Variants in ABCB11 observed in about 807,000 individuals in gnomAD.
ABCB11 encodes the protein bile salt export pump.
A neutral mutation model predicts 148.0 loss-of-function variants in ABCB11; 95 were observed. The observed-to-expected ratio is 0.64, with a 90% CI of 0.54 to 0.76. The LOEUF (loss-of-function observed/expected upper bound fraction) is 0.76, where lower values mean the gene tolerates loss of function less well. ABCB11 is among the 30% of genes least tolerant of loss of function. The pLI is 0.00. For missense variants in ABCB11, 1,523 were observed against 1,617.8 expected (o/e 0.94, Z 1.01); for synonymous variants, 591 against 555.4 (o/e 1.06, Z -0.90).
intron 26 of ABCB11, among the ~76,000 whole-genome samples, chr2:168,925,523 C>T (rs1018011778): frequency 2.0e-5 from 3 of 152,196 alleles, no homozygotes; most frequent in Non-Finnish European, 4.4e-5. Flanking sequence ...CATACCCACA[C>T]TATTTTTTAG....
intron 26 of ABCB11, among the ~76,000 whole-genome samples, chr2:168,926,458 T>C (rs1196580937): frequency 6.6e-6 from 1 of 152,194 alleles, no homozygotes; most frequent in Non-Finnish European, 1.5e-5. Flanking sequence ...AAAGGATAAT[T>C]GTCCCAAAGC....
rs781469128 is a variant in ABCB11, at chr2:168,970,232, A to G, written c.1639-17T>C. ...GTCAAATTGCTAGATGGAAGGTGAC[A>G]CCAGTCATGAAGGGAAAAGAATTTG... On this transcript the variant is annotated splice_polypyrimidine_tract_variant and intron_variant, in intron 14 of 27. Transcript: ENST00000650372. 1.1e-5 allele frequency: 17 copies of G among 1,606,824 alleles called. No homozygotes were observed. The highest frequency in any genetic ancestry group is 1.4e-5 in the Non-Finnish European group (17 of 1,176,084).
At chr2:169,011,718 C>G (rs1490238998) in intron 5 of ABCB11, among the ~76,000 whole-genome samples, 1 of 152,080 alleles carries the variant, frequency 6.6e-6, no homozygotes, top group African/African-American at 2.4e-5. Context: ...CATTCTGTCA[C>G]CCATGTAATC....
chr2:168,998,112 C>T (rs1694769925), intron 5 of ABCB11, among the ~76,000 whole-genome samples: 1 of 151,954 alleles, frequency 6.6e-6, no homozygotes, highest in Admixed American at 6.6e-5. Context: ...ATCAGAGGCT[C>T]TTATAAAAGC....
intron 13 of ABCB11, among the ~76,000 whole-genome samples, chr2:168,973,227 C>T (rs2389607): frequency 0.52 from 79,190 of 151,774 alleles, 21,111 homozygotes; most frequent in Non-Finnish European, 0.6. Context: ...GACGGGGATA[C>T]GTTCTGAGAA....
intron 23 of ABCB11, among the ~76,000 whole-genome samples, chr2:168,933,108 C>CAAAAAA (rs61264551): frequency 8.9e-6 from 1 of 112,236 alleles, no homozygotes. Context: ...GACTCCGTCT[C>CAAAAAA]AAAAAAAAAA....
At chr2:168,950,280 C>T (rs1186400758) in intron 19 of ABCB11, among the ~76,000 whole-genome samples, 6 of 151,294 alleles carry the variant, frequency 4.0e-5, no homozygotes, top group Middle Eastern at 3.2e-3. Context: ...CTCTAGAGAA[C>T]GCTGTCCCTA....
intron 21 of ABCB11, among the ~76,000 whole-genome samples, chr2:168,939,320 A>G (rs1025321670): frequency 1.3e-5 from 2 of 152,032 alleles, no homozygotes; most frequent in African/African-American, 4.8e-5. Flanking sequence ...GGATATCATT[A>G]TTTACTATTA....
At position 168,923,637 on chromosome 2, in the gene ABCB11, TCCAGTGGTGA is replaced by T; in HGVS notation, c.3941_3950del (p.Val1314AspfsTer63). Reference sequence around the variant, plus strand: ...TTGCATTGGGTCAACTGATGGGGGATCCAGTGGTGACTAGTTTGTAGTAGGCTCCTTTTTG... The same window carrying T: ...TTGCATTGGGTCAACTGATGGGGGATCTAGTTTGTAGTAGGCTCCTTTTTG... On this transcript the variant is annotated frameshift_variant, in exon 28 of 28. Coordinates refer to ENST00000650372, the MANE Select transcript of ABCB11 (RefSeq NM_003742.4). LOFTEE classifies it high-confidence loss of function. 1 of 1,613,838 alleles carries T rather than the reference TCCAGTGGTGA, an allele frequency of 6.2e-7. No homozygotes were observed. Among genetic ancestry groups the T allele is most frequent in the South Asian group, 1.1e-5 (1 of 91,068 alleles).
intron 2 of ABCB11, among the ~76,000 whole-genome samples, chr2:169,017,128 A>G (rs1369725079): frequency 1.3e-5 from 2 of 151,854 alleles, no homozygotes; most frequent in Admixed American, 6.6e-5. Context: ...AATGGACAGC[A>G]ACTTTTTGAA....
At chr2:169,024,808 A>G (rs1230159614) in intron 1 of ABCB11, among the ~76,000 whole-genome samples, 1 of 152,134 alleles carries the variant, frequency 6.6e-6, no homozygotes, top group Non-Finnish European at 1.5e-5. Context: ...AGTACTCATC[A>G]CTTATTTTGT....
At chr2:169,024,476 AATT>A (rs1309951638) in intron 1 of ABCB11, among the ~76,000 whole-genome samples, 8 of 152,188 alleles carry the variant, frequency 5.3e-5, no homozygotes, top group African/African-American at 1.9e-4. Flanking sequence ...GATGGTACAA[AATT>A]CCCATGTACC....
chr2:168,934,731 T>C (rs949858089), intron 23 of ABCB11, among the ~76,000 whole-genome samples: 3 of 152,232 alleles, frequency 2.0e-5, no homozygotes, highest in Non-Finnish European at 4.4e-5. Flanking sequence ...CTTTCATGCA[T>C]CCCTTTGCAA....
At chr2:168,919,490 T>A (rs1691014572), downstream of ABCB11, among the ~76,000 whole-genome samples, 1 of 152,108 alleles carries the variant, frequency 6.6e-6, no homozygotes, top group African/African-American at 2.4e-5. Flanking sequence ...GCTGACTACT[T>A]CCTCTGGGTA....
chr2:168,973,944 T>C, intron 12 of ABCB11, 104 bp from the exon 13 acceptor site: 1 of 1,297,798 alleles, frequency 7.7e-7, no homozygotes, highest in Non-Finnish European at 1.1e-6. Flanking sequence ...GGTGTCTGTG[T>C]GTGCGTTTAT....
intron 5 of ABCB11, among the ~76,000 whole-genome samples, chr2:169,010,579 G>T (rs1695151809): frequency 6.6e-6 from 1 of 152,136 alleles, no homozygotes; most frequent in South Asian, 2.1e-4. Flanking sequence ...GTAATAAAAG[G>T]AGAAACTGTA....
At chr2:169,027,233 A>C (rs995686666) in intron 1 of ABCB11, among the ~76,000 whole-genome samples, 3 of 152,210 alleles carry the variant, frequency 2.0e-5, no homozygotes, top group South Asian at 2.1e-4. Flanking sequence ...CAATAAACTT[A>C]AGGGAATCTA....
At chr2:168,931,857 C>G (rs1340643703) in intron 24 of ABCB11, among the ~76,000 whole-genome samples, 1 of 152,080 alleles carries the variant, frequency 6.6e-6, no homozygotes, top group East Asian at 1.9e-4. Context: ...ATTTATAAAT[C>G]TACTGTTTGT....
At chr2:168,959,463 T>G (rs1692954322) in intron 18 of ABCB11, among the ~76,000 whole-genome samples, 1 of 151,626 alleles carries the variant, frequency 6.6e-6, no homozygotes, top group African/African-American at 2.4e-5. Flanking sequence ...GTAAAGTGTA[T>G]TACTAAGTGC....
Sources: allele counts gnomAD v4.1 joint callset (sites outside exome capture counted in the v4.1 genomes callset), GRCh38; gene constraint gnomAD v4.1.1; transcripts MANE v1.5; gene names NCBI Gene and HGNC (gene_info 2026-07-23, HGNC 2026-07-21).